METTL15: variants seen among roughly 807,000 people sequenced by gnomAD.
The protein encoded by METTL15 is 12S rRNA N(4)-cytidine methyltransferase METTL15.
Under a neutral mutation model 38.3 loss-of-function variants are expected in METTL15, and 34 were observed. That is an observed-to-expected ratio of 0.89 (90% confidence interval 0.68 to 1.18). The LOEUF is 1.18. METTL15 is among the 50% of genes most tolerant of loss of function. The probability of loss-of-function intolerance (pLI) is 0.00; values close to 1 mark genes in which losing one functional copy is unlikely to be tolerated. For missense variants in METTL15, 438 were observed against 498.4 expected, an observed-to-expected ratio of 0.88 and a Z score of 1.15; for synonymous variants, 162 against 170.9, an observed-to-expected ratio of 0.95 and a Z score of 0.41.
At chr11:28,153,323 A>G (rs575060857) in intron 3 of METTL15, among the ~76,000 whole-genome samples, 29 of 152,256 alleles carry the variant, frequency 1.9e-4, no homozygotes, top group African/African-American at 6.5e-4. Flanking sequence ...TACTTATAAT[A>G]TCTAATATAA....
chr11:28,297,080 A>G, intron 6 of METTL15, 149 bp downstream of exon 6: 4 of 810,626 alleles, frequency 4.9e-6, no homozygotes, highest in East Asian at 5.4e-5. Context: ...AATCCAGGAT[A>G]GAATCTTGCC....
At chr11:28,165,689 T>C (rs1850634139) in intron 3 of METTL15, among the ~76,000 whole-genome samples, 1 of 147,566 alleles carries the variant, frequency 6.8e-6, no homozygotes, top group Non-Finnish European at 1.5e-5. Flanking sequence ...TTTTTGCTTT[T>C]GTTGCCTATG....
intron 3 of METTL15, among the ~76,000 whole-genome samples, chr11:28,174,462 A>G (rs927273083): frequency 9.2e-5 from 14 of 152,318 alleles, no homozygotes; most frequent in Middle Eastern, 3.4e-3. Flanking sequence ...CAAATTTATT[A>G]TAATATCTAC....
At chr11:28,344,993 C>G (rs895156775) in intron 3 of METTL15, among the ~76,000 whole-genome samples, 1 of 151,784 alleles carries the variant, frequency 6.6e-6, no homozygotes, top group African/African-American at 2.4e-5. Context: ...TTTTTTTGTT[C>G]AAGAGTTCAA....
intron 5 of METTL15, among the ~76,000 whole-genome samples, chr11:28,408,705 A>G (rs1264778376): frequency 6.6e-6 from 1 of 152,192 alleles, no homozygotes; most frequent in East Asian, 1.9e-4. Flanking sequence ...CATATGTAAT[A>G]TACAACATTA....
chr11:28,211,001 A>T, intron 3 of METTL15, 61 bp from the exon 4 acceptor site: 1 of 1,492,826 alleles, frequency 6.7e-7, no homozygotes, highest in East Asian at 2.3e-5. Context: ...AAATTGAGAT[A>T]GTTGTCAAGA....
At chr11:28,495,170 T>C (rs1851526096) in intron 6 of METTL15, among the ~76,000 whole-genome samples, 1 of 152,156 alleles carries the variant, frequency 6.6e-6, no homozygotes, top group African/African-American at 2.4e-5. Context: ...CAGGGGCTAA[T>C]AGGAAATATA....
chr11:28,292,693 T>G (rs1010811126), intron 5 of METTL15, among the ~76,000 whole-genome samples: 3 of 152,278 alleles, frequency 2.0e-5, no homozygotes, highest in African/African-American at 7.2e-5. Context: ...AAAGTGTTCC[T>G]ATTTCTCCAC....
intron 3 of METTL15, among the ~76,000 whole-genome samples, chr11:28,114,370 G>A (rs562722925): frequency 5.3e-4 from 80 of 152,152 alleles, no homozygotes; most frequent in African/African-American, 1.0e-3. Context: ...TTGTTTATCC[G>A]TTAACCAAAT....
intron 3 of METTL15, among the ~76,000 whole-genome samples, chr11:28,173,397 GA>G (rs902206658): frequency 6.6e-5 from 10 of 152,108 alleles, no homozygotes; most frequent in Admixed American, 1.3e-4. Flanking sequence ...TGTGAACCGG[GA>G]AAAAATCCTT....
chr11:28,301,627 A>G (rs1364429219), intron 6 of METTL15, among the ~76,000 whole-genome samples: 1 of 152,144 alleles, frequency 6.6e-6, no homozygotes, highest in Non-Finnish European at 1.5e-5. Context: ...TAATATTACA[A>G]AAATAATTTT....
At chr11:28,366,205 A>AT (rs200052742) in intron 5 of METTL15, among the ~76,000 whole-genome samples, 12 of 151,850 alleles carry the variant, frequency 7.9e-5, no homozygotes, top group East Asian at 1.9e-4. Context: ...AAAAAAAAAA[A>AT]TTATTAAGAA....
chr11:28,415,579 A>G (rs1391646826), intron 5 of METTL15, among the ~76,000 whole-genome samples: 1 of 152,212 alleles, frequency 6.6e-6, no homozygotes, highest in Admixed American at 6.5e-5. Flanking sequence ...TGTTAGAGCT[A>G]GGTCTCCAAC....
chr11:28,422,690 T>G (rs1850830944), intron 5 of METTL15, among the ~76,000 whole-genome samples: 1 of 151,962 alleles, frequency 6.6e-6, no homozygotes, highest in South Asian at 2.1e-4. Flanking sequence ...TATACAAAAA[T>G]AAAATCAAAA....
chr11:28,329,782 T>C (rs1849753400), intron 6 of METTL15, among the ~76,000 whole-genome samples: 1 of 152,152 alleles, frequency 6.6e-6, no homozygotes, highest in South Asian at 2.1e-4. Context: ...TGTCTCACTT[T>C]TTATTTATTT....
At chr11:28,395,689 C>T (rs1850560555) in intron 5 of METTL15, among the ~76,000 whole-genome samples, 1 of 152,140 alleles carries the variant, frequency 6.6e-6, no homozygotes, top group Non-Finnish European at 1.5e-5. Context: ...TGGTACCATT[C>T]CTTCTGAAAC....
chr11:28,248,773 A>G (rs1417540805), intron 4 of METTL15, among the ~76,000 whole-genome samples: 1 of 151,962 alleles, frequency 6.6e-6, no homozygotes, highest in East Asian at 1.9e-4. Flanking sequence ...TTTACAATAA[A>G]CTTTTGTGAT....
chr11:28,478,815 C>A (rs562335089), intron 6 of METTL15, among the ~76,000 whole-genome samples: 2 of 152,070 alleles, frequency 1.3e-5, no homozygotes, highest in East Asian at 3.9e-4. Context: ...TTCCAAGGGG[C>A]CATAAGTGAC....
chr11:28,422,922 G>T (rs923700268), intron 5 of METTL15, among the ~76,000 whole-genome samples: 1 of 151,826 alleles, frequency 6.6e-6, no homozygotes, highest in African/African-American at 2.4e-5. Flanking sequence ...CCATAGAATG[G>T]GAGAAAATGT....
Sources: gnomAD v4.1 joint callset for allele counts (sites outside exome capture counted in the v4.1 genomes callset) on GRCh38, gnomAD v4.1.1 for gene constraint, MANE v1.5 for transcripts, NCBI Gene and HGNC (gene_info 2026-07-23, HGNC 2026-07-21) for gene names.